Variants in PTPRK observed in about 807,000 individuals in gnomAD.
PTPRK encodes protein tyrosine phosphatase receptor type K, also known as receptor-type tyrosine-protein phosphatase kappa.
In PTPRK, 75 loss-of-function variants were observed where a neutral mutation model predicts 178.0. The observed-to-expected ratio is 0.42, with a 90% CI of 0.35 to 0.51. PTPRK has a LOEUF of 0.51. PTPRK is among the 20% of genes least tolerant of loss of function. PTPRK has a pLI of 0.02. For synonymous variants in PTPRK, 637 were observed against 620.6 expected (o/e 1.03, Z -0.39); for missense variants, 1,441 against 1,797.8 (o/e 0.80, Z 3.59).
intron 1 of PTPRK, among the ~76,000 whole-genome samples, chr6:128,415,635 C>T (rs1842764485): frequency 1.3e-5 from 2 of 152,272 alleles, no homozygotes; most frequent in African/African-American, 2.4e-5. Flanking sequence ...CACTGAGCAG[C>T]ATCTGAATCC....
intron 2 of PTPRK, among the ~76,000 whole-genome samples, chr6:128,345,390 T>C (rs1832300354): frequency 6.6e-6 from 1 of 152,194 alleles, no homozygotes; most frequent in Non-Finnish European, 1.5e-5. Flanking sequence ...AAACAGTAGC[T>C]GCTCTCATCC....
At chr6:128,184,872 T>A in intron 6 of PTPRK, 147 bp from the exon 7 acceptor site, 2 of 838,528 alleles carry the variant, frequency 2.4e-6, no homozygotes, top group Non-Finnish European at 1.8e-6. Flanking sequence ...ACGCATGATC[T>A]GACAACTGTA....
At chr6:128,381,286 C>G (rs1343889781) in intron 2 of PTPRK, among the ~76,000 whole-genome samples, 1 of 152,032 alleles carries the variant, frequency 6.6e-6, no homozygotes, top group African/African-American at 2.4e-5. Flanking sequence ...AATAATAAAC[C>G]TTTTCCCAAA....
At chr6:128,274,512 C>T (rs1173732141) in intron 3 of PTPRK, among the ~76,000 whole-genome samples, 2 of 152,000 alleles carry the variant, frequency 1.3e-5, no homozygotes, top group South Asian at 2.1e-4. Flanking sequence ...AAACTACTTT[C>T]CGGGATCTAC....
At chr6:128,200,529 A>T (rs2128257371) in intron 6 of PTPRK, among the ~76,000 whole-genome samples, 1 of 152,044 alleles carries the variant, frequency 6.6e-6, no homozygotes, top group East Asian at 2.0e-4. Flanking sequence ...ATTCAAGACC[A>T]GCCTGGGGAA....
chr6:128,233,688 A>G (rs1462609412), intron 5 of PTPRK, among the ~76,000 whole-genome samples: 1 of 152,206 alleles, frequency 6.6e-6, no homozygotes, highest in Non-Finnish European at 1.5e-5. Context: ...CTGTTTTGGC[A>G]GGCCCACGGA....
intron 2 of PTPRK, among the ~76,000 whole-genome samples, chr6:128,372,962 A>G (rs1043717471): frequency 6.6e-6 from 1 of 152,150 alleles, no homozygotes; most frequent in African/African-American, 2.4e-5. Context: ...CATACACTGT[A>G]ATGCTGGGAA....
At chr6:128,509,166 A>G (rs1856806789) in intron 1 of PTPRK, among the ~76,000 whole-genome samples, 1 of 152,128 alleles carries the variant, frequency 6.6e-6, no homozygotes, top group Admixed American at 6.6e-5. Context: ...GATTGAAACA[A>G]CATGGTATAG....
intron 1 of PTPRK, among the ~76,000 whole-genome samples, chr6:128,462,013 G>C (rs1849108400): frequency 6.6e-6 from 1 of 151,912 alleles, no homozygotes; most frequent in African/African-American, 2.4e-5. Context: ...TGTTTTTTAA[G>C]AGACAGGGTC....
chr6:128,113,488 T>C (rs763110343), intron 7 of PTPRK, among the ~76,000 whole-genome samples: 2 of 151,310 alleles, frequency 1.3e-5, no homozygotes, highest in Admixed American at 6.6e-5. Flanking sequence ...TGGAAAAAAA[T>C]TAAAAAATAC....
intron 27 of PTPRK, 33 bp from the exon 28 acceptor site, chr6:127,973,860 T>C (rs1774214026): frequency 6.3e-7 from 1 of 1,589,274 alleles, no homozygotes; most frequent in Non-Finnish European, 8.6e-7. Flanking sequence ...GTAAATACGC[T>C]GGGACTACAA....
chr6:128,009,656 AG>A (rs1778835634), intron 13 of PTPRK, among the ~76,000 whole-genome samples: 1 of 151,230 alleles, frequency 6.6e-6, no homozygotes, highest in African/African-American at 2.4e-5. Flanking sequence ...CTCAAATGCC[AG>A]GTGGTATGCT....
chr6:128,264,341 T>G (rs1438052787), intron 3 of PTPRK, among the ~76,000 whole-genome samples: 1 of 152,198 alleles, frequency 6.6e-6, no homozygotes, highest in Non-Finnish European at 1.5e-5. Context: ...ATACATGCAG[T>G]TCTGTTACTT....
At chr6:128,025,639 A>G (rs1774180985) in intron 13 of PTPRK, among the ~76,000 whole-genome samples, 1 of 152,326 alleles carries the variant, frequency 6.6e-6, no homozygotes, top group Non-Finnish European at 1.5e-5. Flanking sequence ...GAGGGCCCCA[A>G]AGCAGTATCA....
intron 1 of PTPRK, among the ~76,000 whole-genome samples, chr6:128,464,608 T>TATAC (rs1216761863): frequency 8.1e-6 from 1 of 124,144 alleles, no homozygotes; most frequent in Non-Finnish European, 1.7e-5. Flanking sequence ...TAAATATATA[T>TATAC]ATATACATAT....
intron 3 of PTPRK, among the ~76,000 whole-genome samples, chr6:128,311,055 A>T (rs1026783642): frequency 1.3e-5 from 2 of 152,202 alleles, no homozygotes; most frequent in African/African-American, 4.8e-5. Flanking sequence ...AAAATTTAGC[A>T]ATTCTGTTGA....
chr6:128,165,098 T>C (rs932060598), intron 7 of PTPRK, among the ~76,000 whole-genome samples: 2 of 151,086 alleles, frequency 1.3e-5, no homozygotes, highest in Admixed American at 6.6e-5. Flanking sequence ...CTAAAACTAA[T>C]ATCAAATCAC....
chr6:128,233,485 C>T (rs1263309653), intron 5 of PTPRK, among the ~76,000 whole-genome samples: 1 of 152,180 alleles, frequency 6.6e-6, no homozygotes, highest in Non-Finnish European at 1.5e-5. Context: ...GGGTCAGCCT[C>T]GCTCTGGTTG....
At chr6:128,261,384 T>TA (rs1258702271) in intron 3 of PTPRK, among the ~76,000 whole-genome samples, 1 of 152,328 alleles carries the variant, frequency 6.6e-6, no homozygotes, top group African/African-American at 2.4e-5. Flanking sequence ...AACTAGCACT[T>TA]AAGATATTTT....
Sources: gnomAD v4.1 joint callset for allele counts (sites outside exome capture counted in the v4.1 genomes callset) on GRCh38, gnomAD v4.1.1 for gene constraint, MANE v1.5 for transcripts, NCBI Gene and HGNC (gene_info 2026-07-23, HGNC 2026-07-21) for gene names.